Variants in AFAP1L2 observed in about 807,000 individuals in gnomAD.
The protein encoded by AFAP1L2 is actin filament-associated protein 1-like 2.
AFAP1L2 carries 46 observed loss-of-function variants against 99.3 expected under a neutral mutation model. The observed-to-expected ratio is 0.46, with a 90% CI of 0.37 to 0.59. The LOEUF (loss-of-function observed/expected upper bound fraction) is 0.59, where lower values mean the gene tolerates loss of function less well. Ranked by LOEUF, AFAP1L2 falls within the 20% of genes least tolerant of loss-of-function variation. The pLI is 0.00. For missense variants in AFAP1L2, 959 were observed against 1,034.9 expected (o/e 0.93, Z 1.01); for synonymous variants, 397 against 419.1 (o/e 0.95, Z 0.64).
intron 1 of AFAP1L2, chr10:114,363,259 C>T (rs2052703425): frequency 1.9e-5 from 16 of 833,910 alleles, no homozygotes; most frequent in Non-Finnish European, 2.2e-5. Flanking sequence ...TTGAGCCCAC[C>T]GGCTTCTTTA....
At chr10:114,355,247 TCG>T (rs113917625) in intron 1 of AFAP1L2, among the ~76,000 whole-genome samples, 13,493 of 138,214 alleles carry the variant, frequency 0.098, 1,718 homozygotes, top group African/African-American at 0.3. Flanking sequence ...CTTTCTCTTC[TCG>T]CTCTCTCTTT....
chr10:114,326,147 G>A (rs1488812066), intron 4 of AFAP1L2: 2 of 837,704 alleles, frequency 2.4e-6, no homozygotes, highest in Non-Finnish European at 3.2e-6. Flanking sequence ...CCTGTCTAGG[G>A]TGGAGCCAGG....
intron 5 of AFAP1L2, 73 bp downstream of exon 5, chr10:114,323,098 C>T: frequency 7.4e-7 from 1 of 1,357,444 alleles, no homozygotes; most frequent in Non-Finnish European, 1.0e-6. Flanking sequence ...CTGTTACCCC[C>T]AGGTAAGTCT....
intron 6 of AFAP1L2, among the ~76,000 whole-genome samples, chr10:114,315,166 A>G (rs1186915812): frequency 6.6e-6 from 1 of 151,956 alleles, no homozygotes; most frequent in East Asian, 1.9e-4. Context: ...CAAACAAAAC[A>G]AAACAACAAC....
At chr10:114,346,040 G>A (rs1397570301) in intron 1 of AFAP1L2, among the ~76,000 whole-genome samples, 1 of 152,236 alleles carries the variant, frequency 6.6e-6, no homozygotes, top group Non-Finnish European at 1.5e-5. Context: ...GTGTGGGGAA[G>A]AGCAGCTCTT....
chr10:114,362,699 C>A (rs1282306550), intron 1 of AFAP1L2, among the ~76,000 whole-genome samples: 1 of 152,136 alleles, frequency 6.6e-6, no homozygotes, highest in Non-Finnish European at 1.5e-5. Flanking sequence ...AAAATTAATA[C>A]ACCCCCATCA....
intron 1 of AFAP1L2, among the ~76,000 whole-genome samples, chr10:114,382,173 T>TA (rs2055717378): frequency 6.6e-6 from 1 of 152,254 alleles, no homozygotes; most frequent in Non-Finnish European, 1.5e-5. Context: ...GATTTTATGC[T>TA]ACAGATATTT....
Position 114,302,413 on chromosome 10 carries a change from T to C in AFAP1L2, c.1356A>G (p.Pro452=), listed in dbSNP as rs533683534. ...LLSESGSKTD[P]EEFTYDYVDA... is the part of the protein sequence containing the mutation. ...CCACATAGTCGTAGGTGAACTCTTC[T>C]GGGTCTGTCTTGGAGCCTGACTCAG... Residue 452 remains proline, a synonymous_variant, in exon 12 of 19, where the codon CCA becomes CCG. Coordinates refer to ENST00000304129, the MANE Select transcript of AFAP1L2 (RefSeq NM_001001936.3). 66 of 1,614,190 alleles carry C rather than the reference T, an allele frequency of 4.1e-5. No individual in the cohort carries two copies. In the South Asian group the frequency reaches 6.1e-4, roughly 15 times the overall value.
rs1401506672 is a variant in AFAP1L2 at position 114,314,017 on chromosome 10, G to C, written c.646C>G (p.Leu216Val). 3.1e-6 allele frequency: 5 copies of C among 1,613,736 alleles called. No individual in the cohort carries two copies. Among genetic ancestry groups the C allele is most frequent in the Non-Finnish European group, 4.2e-6 (5 of 1,179,724 alleles). The change falls in exon 7 of 19, where the codon CTG becomes GTG. Residue 216 changes from leucine (L) to valine (V), a missense_variant. Leu to Val is a conservative substitution (Grantham distance 32). This residue lies in a region of AFAP1L2 where 383 missense variants were observed against 472.8 expected (regional missense o/e 0.81). Transcript: ENST00000304129. ...CTGCTGCCCAGTAGGTTCACGTCCA[G>C]CTGAGGGCTGTGGTCCTTGGAGGAT... ...YKSSKDHSPQ[L>V]DVNLLGSSVI...
chr10:114,312,916 C>A (rs2043477884), intron 7 of AFAP1L2, among the ~76,000 whole-genome samples: 1 of 152,194 alleles, frequency 6.6e-6, no homozygotes, highest in African/African-American at 2.4e-5. Flanking sequence ...AAACAGCCTG[C>A]CTGCTCCAAA....
chr10:114,314,179 G>C, intron 6 of AFAP1L2, 129 bp from the exon 7 acceptor site: 2 of 854,122 alleles, frequency 2.3e-6, no homozygotes, highest in Non-Finnish European at 1.8e-6. Flanking sequence ...AGACTAAGAG[G>C]CTGGACACCC....
intron 1 of AFAP1L2, among the ~76,000 whole-genome samples, chr10:114,390,672 G>A (rs1565078331): frequency 6.9e-6 from 1 of 145,026 alleles, no homozygotes; most frequent in Non-Finnish European, 1.5e-5. Context: ...AGTGACCCGA[G>A]ATCACGCCAC....
intron 2 of AFAP1L2, among the ~76,000 whole-genome samples, chr10:114,336,964 G>A (rs2048066014): frequency 6.6e-6 from 1 of 152,352 alleles, no homozygotes; most frequent in East Asian, 1.9e-4. Context: ...CAAAATGTGT[G>A]GAAGTCCCAG....
downstream of AFAP1L2, chr10:114,291,391 CACTG>C (rs2133745604): frequency 2.3e-6 from 2 of 852,180 alleles, no homozygotes. Flanking sequence ...CCACTATTCT[CACTG>C]AGGGAGGAGG....
chr10:114,366,792 C>T (rs1474230497), intron 1 of AFAP1L2, among the ~76,000 whole-genome samples: 1 of 152,104 alleles, frequency 6.6e-6, no homozygotes, highest in Non-Finnish European at 1.5e-5. Flanking sequence ...ATGGTGAAAC[C>T]CTGTCTCTAC....
At chr10:114,355,756 G>A (rs1255603983) in intron 1 of AFAP1L2, among the ~76,000 whole-genome samples, 1 of 152,088 alleles carries the variant, frequency 6.6e-6, no homozygotes, top group Non-Finnish European at 1.5e-5. Context: ...TGGATCACTT[G>A]AGCCCAGGAG....
chr10:114,297,211 A>T lies in AFAP1L2; in HGVS notation c.2307+9T>A. ...CAAGCAGCCCAGAGGCCGCAGTTCC[A>T]GCACTCACGCGGGGGCTCACATTCT... On this transcript the variant is annotated intron_variant, in intron 17 of 18. Transcript: ENST00000304129. 6.3e-7 allele frequency: 1 copy of T among 1,583,602 alleles called. No individual in the cohort carries two copies. Among genetic ancestry groups the T allele is most frequent in the Non-Finnish European group, 8.6e-7 (1 of 1,161,872 alleles).
At chr10:114,380,473 A>G (rs1482999845) in intron 1 of AFAP1L2, among the ~76,000 whole-genome samples, 1 of 152,234 alleles carries the variant, frequency 6.6e-6, no homozygotes, top group African/African-American at 2.4e-5. Context: ...GAGCAGAACT[A>G]GCTTTTATTC....
chr10:114,364,640 C>A (rs1338936622), intron 1 of AFAP1L2, among the ~76,000 whole-genome samples: 1 of 152,202 alleles, frequency 6.6e-6, no homozygotes, highest in Non-Finnish European at 1.5e-5. Flanking sequence ...TTTGCTAAGA[C>A]CCTTTTCCAA....
Sources: gnomAD v4.1 joint callset for allele counts (sites outside exome capture counted in the v4.1 genomes callset) on GRCh38, gnomAD v4.1.1 for gene constraint, gnomAD v4.1.1 regional missense constraint, MANE v1.5 for transcripts, NCBI Gene and HGNC (gene_info 2026-07-23, HGNC 2026-07-21) for gene names.